Variants in PCDHGA5 observed in about 807,000 individuals in gnomAD.
PCDHGA5 encodes protocadherin gamma-A5.
In PCDHGA5, 36 loss-of-function variants were observed where a neutral mutation model predicts 56.7. The observed-to-expected ratio is 0.64, with a 90% confidence interval of 0.49 to 0.84. PCDHGA5 has a LOEUF of 0.84. Ranked by LOEUF, PCDHGA5 falls within the 40% of genes least tolerant of loss-of-function variation. The pLI is 0.00. For missense variants in PCDHGA5, 1,305 were observed against 1,201.5 expected (o/e 1.09, Z -1.27); for synonymous variants, 563 against 520.2 (o/e 1.08, Z -1.12).
chr5:141,375,967 G>T, intron 1 of PCDHGA5: 2 of 1,613,372 alleles, frequency 1.2e-6, no homozygotes, highest in East Asian at 2.2e-5. Flanking sequence ...AGGTGCGCAC[G>T]GCGCGCGCCC....
At chr5:141,370,718 G>C (rs752810801) in intron 1 of PCDHGA5, 2 of 1,613,818 alleles carry the variant, frequency 1.2e-6, no homozygotes, top group Non-Finnish European at 1.7e-6. Context: ...AATTTGAAAT[G>C]GTTGCTGAAA....
intron 1 of PCDHGA5, chr5:141,384,038 G>C (rs1779701578): frequency 6.2e-7 from 1 of 1,613,110 alleles, no homozygotes; most frequent in East Asian, 2.2e-5. Flanking sequence ...GGAAAGAATG[G>C]TGAGGTGACC....
chr5:141,393,303 G>A (rs1305361582), intron 1 of PCDHGA5: 5 of 1,613,646 alleles, frequency 3.1e-6, no homozygotes, highest in Non-Finnish European at 3.4e-6. Context: ...GGATGTGGGC[G>A]TGAACTCCCT....
intron 1 of PCDHGA5, chr5:141,439,807 G>A (rs2098132839): frequency 6.6e-6 from 1 of 152,336 alleles, no homozygotes; most frequent in African/African-American, 2.4e-5. Context: ...AGTTTGAAAA[G>A]GGGCTTATTT....
In PCDHGA5 at chr5:141,432,704, C is replaced by T; in HGVS notation, c.2422-62103C>T. ...GAGCCTCGTAGTGGCCGTCCAGGAC[C>T]ACGGCCAGCCCCCTCTCTCCGCCAC... is the stretch of plus-strand genomic sequence containing the variant. On this transcript the variant is annotated intron_variant, in intron 1 of 3. Coordinates refer to ENST00000518069, the MANE Select transcript of PCDHGA5 (RefSeq NM_018918.3). The surrounding 1 kb of genome is among the most constrained non-coding windows in gnomAD (Gnocchi z 6.0). The T allele has an allele frequency of 6.2e-7, 1 of 1,613,966 alleles. No homozygotes were observed. The highest frequency in any genetic ancestry group is 8.5e-7 in the Non-Finnish European group (1 of 1,179,976).
At chr5:141,378,972 G>A (rs2150135353) in intron 1 of PCDHGA5, 1 of 152,298 alleles carries the variant, frequency 6.6e-6, no homozygotes, top group Middle Eastern at 3.4e-3. Context: ...CTAATTTGAT[G>A]ACTTGTTGAA....
At position 141,487,700 on chromosome 5, in the gene PCDHGA5, C is replaced by A; in HGVS notation, c.2422-7107C>A. On this transcript the variant is annotated intron_variant, in intron 1 of 3. Coordinates refer to ENST00000518069, the MANE Select transcript of PCDHGA5 (RefSeq NM_018918.3). This position sits in a 1 kb window ranked among gnomAD's most constrained non-coding sequence, Gnocchi z 5.0. ...AGGCCATGTCCTAGAGAGTACTGGCCTCTCAGTAAGTGCCCATAGTGATGT... is the reference window on the plus strand; with the variant it reads ...AGGCCATGTCCTAGAGAGTACTGGCATCTCAGTAAGTGCCCATAGTGATGT... The A allele has an allele frequency of 6.3e-7, 1 of 1,597,514 alleles. No homozygotes were observed. Among genetic ancestry groups the A allele is most frequent in the African/African-American group, 1.3e-5 (1 of 74,868 alleles).
chr5:141,374,896 A>T (rs1038384205), intron 1 of PCDHGA5: 1 of 1,613,804 alleles, frequency 6.2e-7, no homozygotes, highest in Non-Finnish European at 8.5e-7. Flanking sequence ...ACCAGGATGA[A>T]GGAGTCCACG....
chr5:141,481,182 G>T (rs2099533183), intron 1 of PCDHGA5, among the ~76,000 whole-genome samples: 1 of 152,180 alleles, frequency 6.6e-6, no homozygotes, highest in Non-Finnish European at 1.5e-5. Flanking sequence ...AGCTTTATTG[G>T]GCCAGGCCCA....
chr5:141,476,801 C>A lies in PCDHGA5; in HGVS notation c.2422-18006C>A, dbSNP rs752954707. The A allele has an allele frequency of 5.8e-5, 94 of 1,613,468 alleles. No homozygotes were observed. The highest frequency in any genetic ancestry group is 7.9e-5 in the Non-Finnish European group (93 of 1,180,028). The stretch of plus-strand genomic sequence containing the variant: ...GACCCCAGCTCTCTCCGCCAGCCTG[C>A]CTATTCACATCAAGGTGCTGGACGC... On this transcript the variant is annotated intron_variant, in intron 1 of 3. Transcript: ENST00000518069. This position sits in a 1 kb window ranked among gnomAD's most constrained non-coding sequence, Gnocchi z 7.6.
intron 1 of PCDHGA5, chr5:141,415,066 C>T (rs777981621): frequency 1.4e-5 from 23 of 1,613,410 alleles, no homozygotes; most frequent in Non-Finnish European, 1.9e-5. Flanking sequence ...GGGCGAGGTG[C>T]GCACGGCGCG....
At chr5:141,469,674 A>G (rs532726373) in intron 1 of PCDHGA5, among the ~76,000 whole-genome samples, 23 of 152,380 alleles carry the variant, frequency 1.5e-4, no homozygotes, top group Non-Finnish European at 2.2e-4. Flanking sequence ...TAATAAAACT[A>G]CATATGCATT....
At chr5:141,375,830 G>C in intron 1 of PCDHGA5, 1 of 1,614,152 alleles carries the variant, frequency 6.2e-7, no homozygotes, top group South Asian at 1.1e-5. Context: ...CCGCTCCGCA[G>C]AGCCCGGCTA....
intron 1 of PCDHGA5, chr5:141,385,373 T>A (rs754384717): frequency 6.5e-7 from 1 of 1,529,238 alleles, no homozygotes; most frequent in African/African-American, 1.4e-5. Context: ...TTGCATGATA[T>A]TTCTCTATTA....
chr5:141,377,182 A>G (rs958059395), intron 1 of PCDHGA5: 9 of 152,144 alleles, frequency 5.9e-5, no homozygotes, highest in Non-Finnish European at 8.8e-5. Flanking sequence ...TTCTTGGCAA[A>G]CTATTTGTGT....
chr5:141,434,992 C>A (rs2097735368), intron 1 of PCDHGA5, among the ~76,000 whole-genome samples: 1 of 151,902 alleles, frequency 6.6e-6, no homozygotes, highest in Non-Finnish European at 1.5e-5. Context: ...ATATCATTTT[C>A]TAGCTGAATT....
chr5:141,425,742 A>T (rs1315830227), intron 1 of PCDHGA5, among the ~76,000 whole-genome samples: 1 of 152,246 alleles, frequency 6.6e-6, no homozygotes, highest in Non-Finnish European at 1.5e-5. Flanking sequence ...GTTTTCCCAC[A>T]AGGTTTTTGT....
intron 1 of PCDHGA5, among the ~76,000 whole-genome samples, chr5:141,406,629 A>G (rs2094832755): frequency 6.6e-6 from 1 of 152,188 alleles, no homozygotes; most frequent in Non-Finnish European, 1.5e-5. Context: ...TCATATCTTC[A>G]AAGGTCTTAA....
rs1299162270 is a variant in PCDHGA5 at position 141,413,906 on chromosome 5, C to T, written c.2421+47155C>T. ...GTCTTCGATGCAAATGACAACGCGC[C>T]GGTCTTCACCTTGCCAGAATACCGA... On this transcript the variant is annotated intron_variant, in intron 1 of 3. Transcript: ENST00000518069. The T allele has an allele frequency of 1.9e-6, 3 of 1,613,190 alleles. No homozygotes were observed. The highest frequency in any genetic ancestry group is 1.7e-6 in the Non-Finnish European group (2 of 1,179,870).
Sources: allele counts gnomAD v4.1 joint callset (sites outside exome capture counted in the v4.1 genomes callset), GRCh38; gene constraint gnomAD v4.1.1; non-coding constraint Gnocchi (gnomAD v3.1); transcripts MANE v1.5; gene names NCBI Gene and HGNC (gene_info 2026-07-23, HGNC 2026-07-21).